The following NPHP1 variants were observed in gnomAD, a reference collection of about 807,000 sequenced individuals.
The protein encoded by NPHP1 is nephrocystin-1.
Under a neutral mutation model 90.4 loss-of-function variants are expected in NPHP1, and 70 were observed. The observed-to-expected ratio is 0.77, with a 90% CI of 0.64 to 0.95. NPHP1 has a LOEUF of 0.95. NPHP1 is among the 40% of genes least tolerant of loss of function. The pLI, the probability that NPHP1 is intolerant of heterozygous loss-of-function variation, is 0.00. For missense variants in NPHP1, 764 were observed against 795.9 expected (o/e 0.96, Z 0.48); for synonymous variants, 256 against 271.7 (o/e 0.94, Z 0.57).
At chr2:110,171,596 G>A (rs10496435) in intron 4 of NPHP1, among the ~76,000 whole-genome samples, 38,966 of 151,940 alleles carry the variant, frequency 0.26, 6,242 homozygotes, top group Non-Finnish European at 0.36. Context: ...TTTTCAACGC[G>A]TCTCTTTCCT....
chr2:110,163,073 G>A lies in NPHP1; in HGVS notation c.834C>T (p.Ser278=). ...CTTCCTCCAGAAGCTGTGAGAGCGT[G>A]GAAGGCCTGAACCCTGCAGGAATAG... ...MGAIPAGFRP[S]TLSQLLEEGN... The change falls in exon 9 of 20, where the codon TCC becomes TCT. Residue 278 remains serine, a synonymous_variant. Coordinates refer to ENST00000445609, the MANE Select transcript of NPHP1 (RefSeq NM_001128178.3). The A allele has an allele frequency of 6.2e-7, 1 of 1,613,364 alleles. No homozygotes were observed. Among genetic ancestry groups the A allele is most frequent in the South Asian group, 1.1e-5 (1 of 91,046 alleles).
chr2:110,178,119 C>T, intron 4 of NPHP1: 1 of 439,080 alleles, frequency 2.3e-6, no homozygotes. Flanking sequence ...CCCTTTTACA[C>T]ATCAACATTG....
intron 4 of NPHP1, among the ~76,000 whole-genome samples, chr2:110,172,977 T>C (rs1445431121): frequency 6.6e-6 from 1 of 150,462 alleles, no homozygotes; most frequent in Admixed American, 6.6e-5. Flanking sequence ...TTTTTTTTTT[T>C]GAGACGGTGT....
At chr2:110,189,320 G>A (rs1178637620) in intron 2 of NPHP1, among the ~76,000 whole-genome samples, 1 of 152,090 alleles carries the variant, frequency 6.6e-6, no homozygotes, top group African/African-American at 2.4e-5. Flanking sequence ...ACGTTCGGAT[G>A]TGTTTGGAGT....
chr2:110,152,469 A>T (rs889937073), intron 11 of NPHP1, among the ~76,000 whole-genome samples: 2 of 151,972 alleles, frequency 1.3e-5, no homozygotes, highest in African/African-American at 4.8e-5. Flanking sequence ...AGTGAGACAA[A>T]AACTAGAGGT....
chr2:110,129,356 C>A, intron 17 of NPHP1, 97 bp from the exon 18 acceptor site: 2 of 927,598 alleles, frequency 2.2e-6, no homozygotes, highest in Non-Finnish European at 3.5e-6. Context: ...ATTATTGTGC[C>A]AAATGATTTG....
chr2:110,184,192 G>A (rs540447896), intron 2 of NPHP1: 89 of 564,570 alleles, frequency 1.6e-4, no homozygotes, highest in African/African-American at 1.3e-3. Flanking sequence ...ATGCATATTC[G>A]TATCATGGCA....
chr2:110,165,102 T>G lies in NPHP1; in HGVS notation c.678A>C (p.Glu226Asp), dbSNP rs947765689. Residue 226 changes from glutamate to aspartate, a missense_variant, in exon 7 of 20, where the codon GAA (glutamate) becomes GAC (aspartate). By Grantham distance (45) the Glu-to-Asp change is conservative. Transcript: ENST00000445609. The stretch of plus-strand genomic sequence containing the variant: ...CTGTTTCATCCACCGCCTCTACATC[T>G]TCTTCACTGCCCTCTTCACTTGACT... ...GQESSEEGSE[E>D]DVEAVDETAD... The G allele has an allele frequency of 3.7e-6, 6 of 1,613,900 alleles. No homozygotes were observed. The highest frequency in any genetic ancestry group is 3.3e-5 in the Admixed American group (2 of 60,026).
chr2:110,124,545 TCGAGGGG>T, intron 19 of NPHP1: 8 of 228,764 alleles, frequency 3.5e-5, no homozygotes, highest in South Asian at 7.3e-5. Context: ...GGGATGGAGG[TCGAGGGG>T]TCCTTTGGTG....
chr2:110,193,892 T>A (rs1354136397), intron 2 of NPHP1, among the ~76,000 whole-genome samples: 3 of 152,092 alleles, frequency 2.0e-5, no homozygotes, highest in African/African-American at 7.2e-5. Flanking sequence ...CTGAACAACC[T>A]GCTCCGGAAT....
In NPHP1 at chr2:110,169,876, C is replaced by T. The variant is rs894279022; in HGVS notation, c.452G>A (p.Trp151Ter). 1 of 1,613,488 alleles carries T rather than the reference C, an allele frequency of 6.2e-7. No individual in the cohort carries two copies. The highest frequency in any genetic ancestry group is 8.5e-7 in the Non-Finnish European group (1 of 1,179,620). Residue 151 changes from tryptophan (W) to a stop codon, truncating the protein, a stop_gained, in exon 5 of 20, where the codon TGG becomes TAG. Transcript: ENST00000445609. LOFTEE classifies it high-confidence loss of function. ...AGCGATGTATTCTTCACCGGTTGAC[C>T]ATTTGTGAGATTCATTTTCCTCTTT... ...EEKEENESHKWSTGEEYIAVG... is the reference protein window; with the variant it reads ...EEKEENESHK
Position 110,178,538 on chromosome 2 carries a change from A to G in NPHP1, c.214T>C (p.Ser72Pro). Residue 72 changes from serine (S) to proline (P), a missense_variant, in exon 4 of 20, where the codon TCT (serine) becomes CCT (proline). Coordinates refer to ENST00000445609, the MANE Select transcript of NPHP1 (RefSeq NM_001128178.3). ...TGATTATAGTTTGCAACAGGTGCAGATTCATCAGCCTATGAGAGAATATAG... is the reference window on the plus strand; with the variant it reads ...TGATTATAGTTTGCAACAGGTGCAGGTTCATCAGCCTATGAGAGAATATAG... ...ALQKLSKADE[S>P]APVANYNQRK... 1 of 1,613,584 alleles carries G rather than the reference A, an allele frequency of 6.2e-7. No individual in the cohort carries two copies.
chr2:110,174,620 C>A (rs753244063), intron 4 of NPHP1, among the ~76,000 whole-genome samples: 3 of 152,050 alleles, frequency 2.0e-5, no homozygotes, highest in Non-Finnish European at 2.9e-5. Flanking sequence ...TTATTTGTAA[C>A]CTCCTAATTA....
chr2:110,144,584 C>T lies in NPHP1; in HGVS notation c.1353-15G>A. The T allele has an allele frequency of 6.9e-7, 1 of 1,457,486 alleles. No individual in the cohort carries two copies. Among genetic ancestry groups the T allele is most frequent in the African/African-American group, 1.4e-5 (1 of 72,086 alleles). The allele number at this position is 1,457,486 out of a possible 1,614,324, so 90.3% of individuals were successfully genotyped here. On this transcript the variant is annotated splice_polypyrimidine_tract_variant and intron_variant, in intron 14 of 19. Transcript: ENST00000445609. ...GCTCATAAGTTCTATAAAAGAATAA[C>T]ATACAATGACAGATATAAGCTGTGG... is the stretch of plus-strand genomic sequence containing the variant.
At chr2:110,140,439 C>G (rs1344676392) in intron 16 of NPHP1, among the ~76,000 whole-genome samples, 1 of 152,086 alleles carries the variant, frequency 6.6e-6, no homozygotes, top group African/African-American at 2.4e-5. Flanking sequence ...ACCCAGCATA[C>G]AGTAGAGCAT....
intron 16 of NPHP1, among the ~76,000 whole-genome samples, chr2:110,137,226 A>G (rs1449819417): frequency 6.6e-6 from 1 of 152,158 alleles, no homozygotes; most frequent in East Asian, 1.9e-4. Flanking sequence ...AAACCCTAGA[A>G]GAAAACCTAG....
In NPHP1 at chr2:110,147,957, G is replaced by T; in HGVS notation, c.1228C>A (p.Leu410Ile). 2 of 1,609,248 alleles carry T rather than the reference G, an allele frequency of 1.2e-6. No homozygotes were observed. Among genetic ancestry groups the T allele is most frequent in the Non-Finnish European group, 1.7e-6 (2 of 1,175,548 alleles). The change falls in exon 13 of 20, where the codon CTT becomes ATT. Residue 410 changes from leucine to isoleucine, a missense_variant. By Grantham distance (5) the Leu-to-Ile change is conservative. Coordinates refer to ENST00000445609, the MANE Select transcript of NPHP1 (RefSeq NM_001128178.3). ...FIRSNSASPD[L>I]GILFELGISY... ...ATTCCAAGTTCAAATAATATTCCAA[G>T]ATCTGGAGATGCAGAATTAGACCTG...
intron 14 of NPHP1, among the ~76,000 whole-genome samples, chr2:110,145,942 A>G (rs932141896): frequency 6.6e-6 from 1 of 152,188 alleles, no homozygotes; most frequent in Non-Finnish European, 1.5e-5. Context: ...AGGCCACATA[A>G]GGCGCATTAT....
chr2:110,149,988 T>C (rs1374509887), intron 12 of NPHP1, among the ~76,000 whole-genome samples, 194 bp downstream of exon 12: 2 of 152,198 alleles, frequency 1.3e-5, no homozygotes. Context: ...CTGAAACTGA[T>C]TGAATGGGAT....
Sources: allele counts gnomAD v4.1 joint callset (sites outside exome capture counted in the v4.1 genomes callset), GRCh38; gene constraint gnomAD v4.1.1; transcripts MANE v1.5; gene names NCBI Gene and HGNC (gene_info 2026-07-23, HGNC 2026-07-21).